The following GALNT1 variants were observed in gnomAD, a reference collection of about 807,000 sequenced individuals.
GALNT1 encodes GalNAc transferase 1.
A neutral mutation model predicts 65.7 loss-of-function variants in GALNT1; 17 were observed. The observed-to-expected ratio is 0.26, with a 90% CI of 0.18 to 0.39. The LOEUF is 0.39. Among genes scored for constraint, GALNT1 ranks in the 10% least tolerant of loss-of-function variants. The pLI is 1.00. For synonymous variants in GALNT1, 210 were observed against 219.7 expected (o/e 0.96, Z 0.39); for missense variants, 460 against 672.8 (o/e 0.68, Z 3.50).
In GALNT1 at chr18:35,711,756, TGATA is replaced by T. The variant is rs1328082651; in HGVS notation, c.*1991_*1994del. On this transcript the variant is annotated 3_prime_UTR_variant, in exon 12 of 12. Transcript: ENST00000269195. ...TTAATTCATGGGTACTTTTAGAACC[TGATA>T]GATAATCCCATTGCCTTTATTTTTC... The T allele has an allele frequency of 6.6e-6, 1 of 152,238 alleles. No homozygotes were observed. The highest frequency in any genetic ancestry group is 1.5e-5 in the Non-Finnish European group (1 of 68,042). The allele number at this position is 152,238 out of a possible 1,614,324, so 9.4% of individuals were successfully genotyped here. A position where few individuals can be genotyped will look rare whatever the true frequency, so the allele number is the denominator to read the frequency against.
chr18:35,640,437 G>A (rs2047146617), intron 1 of GALNT1, among the ~76,000 whole-genome samples: 1 of 152,290 alleles, frequency 6.6e-6, no homozygotes. Context: ...TTTATTGGAA[G>A]ATGTTAGGAA....
chr18:35,660,719 A>G (rs1356136247), intron 2 of GALNT1, among the ~76,000 whole-genome samples: 1 of 152,222 alleles, frequency 6.6e-6, no homozygotes, highest in Non-Finnish European at 1.5e-5. Context: ...ATTAATAGTA[A>G]CATATATTCA....
intron 9 of GALNT1, among the ~76,000 whole-genome samples, chr18:35,699,673 C>G (rs1255802950): frequency 6.6e-6 from 1 of 152,138 alleles, no homozygotes; most frequent in Non-Finnish European, 1.5e-5. Flanking sequence ...TTTAGAAGTC[C>G]AACAAATAAG....
intron 2 of GALNT1, among the ~76,000 whole-genome samples, chr18:35,655,100 A>G (rs1034233057): frequency 6.6e-5 from 10 of 152,166 alleles, no homozygotes; most frequent in South Asian, 2.1e-4. Context: ...TGGGATATCA[A>G]AATTGTACAG....
intron 1 of GALNT1, among the ~76,000 whole-genome samples, chr18:35,586,915 T>C (rs1431883224): frequency 6.6e-6 from 1 of 152,212 alleles, no homozygotes; most frequent in Non-Finnish European, 1.5e-5. Flanking sequence ...TGTATCAGTA[T>C]GGAGAAGATC....
At chr18:35,665,581 A>G (rs1568027531) in intron 3 of GALNT1, among the ~76,000 whole-genome samples, 1 of 152,160 alleles carries the variant, frequency 6.6e-6, no homozygotes, top group African/African-American at 2.4e-5. Flanking sequence ...GAGGATTTCA[A>G]CCCCCAGGGG....
At chr18:35,683,839 T>C (rs2047824032) in intron 5 of GALNT1, among the ~76,000 whole-genome samples, 1 of 152,212 alleles carries the variant, frequency 6.6e-6, no homozygotes, top group African/African-American at 2.4e-5. Context: ...CATTGGAATG[T>C]ATACTATATG....
intron 1 of GALNT1, among the ~76,000 whole-genome samples, chr18:35,650,041 A>G (rs2047288635): frequency 6.6e-6 from 1 of 152,220 alleles, no homozygotes. Flanking sequence ...AGGCAACACC[A>G]GCAGCCTCTG....
intron 11 of GALNT1, among the ~76,000 whole-genome samples, chr18:35,707,217 A>G (rs2048277481): frequency 6.6e-6 from 1 of 152,240 alleles, no homozygotes; most frequent in Non-Finnish European, 1.5e-5. Flanking sequence ...TTTTAGACCT[A>G]GTTACATCTA....
At chr18:35,634,242 G>C (rs951435773) in intron 1 of GALNT1, among the ~76,000 whole-genome samples, 1 of 152,164 alleles carries the variant, frequency 6.6e-6, no homozygotes, top group African/African-American at 2.4e-5. Context: ...AAGAGGCTCA[G>C]GTTTTTGCAA....
intron 1 of GALNT1, among the ~76,000 whole-genome samples, chr18:35,653,008 GTA>G (rs1446281456): frequency 6.6e-6 from 1 of 152,174 alleles, no homozygotes; most frequent in African/African-American, 2.4e-5. Flanking sequence ...ATAAATGTAT[GTA>G]TATAGTTTAT....
chr18:35,596,467 T>TA (rs1226074396), intron 1 of GALNT1: 2 of 152,290 alleles, frequency 1.3e-5, no homozygotes, highest in African/African-American at 4.8e-5. Context: ...TTATGTATGC[T>TA]AAAAAAGTGT....
chr18:35,618,317 G>A (rs997968480), intron 1 of GALNT1, among the ~76,000 whole-genome samples: 2 of 151,976 alleles, frequency 1.3e-5, no homozygotes, highest in African/African-American at 4.8e-5. Flanking sequence ...AAAAATTTTA[G>A]TTATTCCTCT....
chr18:35,581,474 G>GGCC (rs1370065301), upstream of GALNT1, among the ~76,000 whole-genome samples: 18 of 145,902 alleles, frequency 1.2e-4, no homozygotes, highest in South Asian at 3.6e-3. Flanking sequence ...CAGCCGCACG[G>GGCC]GCCGCCGCCG....
chr18:35,690,904 A>G (rs1285145900), intron 7 of GALNT1, 108 bp from the exon 8 acceptor site: 4 of 1,050,520 alleles, frequency 3.8e-6, no homozygotes, highest in Admixed American at 2.6e-5. Context: ...AGTTTAAACA[A>G]AAGCCAAACC....
At chr18:35,599,462 C>T (rs964177751) in intron 1 of GALNT1, among the ~76,000 whole-genome samples, 6 of 150,596 alleles carry the variant, frequency 4.0e-5, no homozygotes, top group South Asian at 2.1e-4. Flanking sequence ...CCTTGAACTC[C>T]GGGGCTCAAG....
chr18:35,692,145 C>T lies in GALNT1; in HGVS notation c.1160-36C>T, dbSNP rs773397262. ...TATAAACATGTGTTACCTAAAACAA[C>T]ACTAATAATTCAGAGTCAATTATTT... On this transcript the variant is annotated intron_variant, in intron 8 of 11. Transcript: ENST00000269195. The T allele has an allele frequency of 3.6e-5, 56 of 1,566,946 alleles. No individual in the cohort carries two copies. The East Asian group carries it at 1.3e-3, about 35-fold the overall frequency.
chr18:35,648,235 A>G (rs76700018), intron 1 of GALNT1, among the ~76,000 whole-genome samples: 1,965 of 152,336 alleles, frequency 0.013, 46 homozygotes, highest in African/African-American at 0.045. Context: ...GTGTAAAACC[A>G]TCACAATTTA....
At chr18:35,650,833 T>G (rs939149050) in intron 1 of GALNT1, among the ~76,000 whole-genome samples, 1 of 152,160 alleles carries the variant, frequency 6.6e-6, no homozygotes, top group East Asian at 1.9e-4. Flanking sequence ...ATTTGTGCAG[T>G]TAACACAACC....
Sources: gnomAD v4.1 joint callset for allele counts (sites outside exome capture counted in the v4.1 genomes callset) on GRCh38, gnomAD v4.1.1 for gene constraint, MANE v1.5 for transcripts, NCBI Gene and HGNC (gene_info 2026-07-23, HGNC 2026-07-21) for gene names.